Variants in FOXL1 observed in about 807,000 individuals in gnomAD.
The protein encoded by FOXL1 is forkhead box L1, also known as forkhead box protein L1.
In FOXL1, 2 loss-of-function variants were observed where a neutral mutation model predicts 1.7. That is an observed-to-expected ratio of 1.21 (90% CI 0.49 to 3.80). The LOEUF is 3.80. FOXL1 is among the 30% of genes most tolerant of loss of function. FOXL1 has a pLI of 0.07. For synonymous variants in FOXL1, 280 were observed against 229.3 expected, an observed-to-expected ratio of 1.22 and a Z score of -2.00; for missense variants, 565 against 495.8, an observed-to-expected ratio of 1.14 and a Z score of -1.32.
rs1319873667 is a variant in FOXL1, at chr16:86,580,595, A to C, written c.*834A>C. On this transcript the variant is annotated 3_prime_UTR_variant, in exon 1 of 1. Coordinates refer to ENST00000320241, the MANE Select transcript of FOXL1 (RefSeq NM_005250.3). ...ATTACGATAGCTCATTAGCCAATAC[A>C]CATGCAGCTATGTAAGCCACAACAG... is the stretch of plus-strand genomic sequence containing the variant. The C allele has an allele frequency of 2.4e-5, 4 of 166,372 alleles. No homozygotes were observed. Among genetic ancestry groups the C allele is most frequent in the African/African-American group, 9.6e-5 (4 of 41,460 alleles). The allele number at this position is 166,372 out of a possible 1,614,324, so 10.3% of individuals were successfully genotyped here.
Position 86,579,329 on chromosome 16 carries a change from G to A in FOXL1, c.606G>A (p.Pro202=). Residue 202 remains proline (P), a synonymous_variant, in exon 1 of 1, where the codon CCG becomes CCA. Coordinates refer to ENST00000320241, the MANE Select transcript of FOXL1 (RefSeq NM_005250.3). ...CGCCCCTCCTGGACGGCCCCTCTCC[G>A]CCGGCGCCCCTCCACTGGCCGGGGA... ...GPSPLLDGPS[P]PAPLHWPGTA... The A allele has an allele frequency of 7.6e-7, 1 of 1,323,016 alleles. No individual in the cohort carries two copies. Among genetic ancestry groups the A allele is most frequent in the South Asian group, 1.4e-5 (1 of 73,970 alleles). 82.0% of individuals were successfully genotyped at this position (1,323,016 alleles called of 1,614,324 possible). A position where few individuals can be genotyped will look rare whatever the true frequency, so the allele number is the denominator to read the frequency against.
Position 86,578,823 on chromosome 16 carries a change from C to T in FOXL1, c.100C>T (p.Pro34Ser), listed in dbSNP as rs750324359. ...ACCCGGCCTCCCTCTGGCCTTCGCCCCCGCGGCTGCTCTAGCTGCCTCGGG... is the reference window on the plus strand; with the variant it reads ...ACCCGGCCTCCCTCTGGCCTTCGCCTCCGCGGCTGCTCTAGCTGCCTCGGG... The part of the protein sequence containing the change: ...ERPGLPLAFA[P>S]AAALAASGRA... The change falls in exon 1 of 1, where the codon CCC (proline) becomes TCC (serine). Residue 34 changes from proline to serine, a missense_variant. Transcript: ENST00000320241. 1.9e-6 allele frequency: 3 copies of T among 1,613,672 alleles called. No individual in the cohort carries two copies. The highest frequency in any genetic ancestry group is 2.5e-6 in the Non-Finnish European group (3 of 1,179,956).
At position 86,578,601 on chromosome 16, in the gene FOXL1, C is replaced by T. The variant is rs1974367356; in HGVS notation, c.-123C>T. On this transcript the variant is annotated 5_prime_UTR_variant, in exon 1 of 1. Coordinates refer to ENST00000320241, the MANE Select transcript of FOXL1 (RefSeq NM_005250.3). ...CAGAGCACGGAGCGGCCGGGGAGAGCGGCAGAGCCAGAGGCAGAGGCACGG... is the reference window on the plus strand; with the variant it reads ...CAGAGCACGGAGCGGCCGGGGAGAGTGGCAGAGCCAGAGGCAGAGGCACGG... 9.5e-6 allele frequency: 7 copies of T among 734,368 alleles called. No homozygotes were observed. Among genetic ancestry groups the T allele is most frequent in the Admixed American group, 8.7e-5 (3 of 34,620 alleles). 45.5% of individuals were successfully genotyped at this position (734,368 alleles called of 1,614,324 possible). A position where few individuals can be genotyped will look rare whatever the true frequency, so the allele number is the denominator to read the frequency against.
Position 86,578,616 on chromosome 16 carries a change from C to T in FOXL1, c.-108C>T. Reference sequence around the variant, plus strand: ...CCGGGGAGAGCGGCAGAGCCAGAGGCAGAGGCACGGCTGGCTCCCCGGGAG... The same window carrying T: ...CCGGGGAGAGCGGCAGAGCCAGAGGTAGAGGCACGGCTGGCTCCCCGGGAG... On this transcript the variant is annotated 5_prime_UTR_variant, in exon 1 of 1. Transcript: ENST00000320241. 1 of 901,604 alleles carries T rather than the reference C, an allele frequency of 1.1e-6. No homozygotes were observed. Among genetic ancestry groups the T allele is most frequent in the Non-Finnish European group, 1.7e-6 (1 of 601,008 alleles). The allele number at this position is 901,604 out of a possible 1,614,324, so 55.9% of individuals were successfully genotyped here. A position where few individuals can be genotyped will look rare whatever the true frequency, so the allele number is the denominator to read the frequency against.
rs966725066 is a variant in FOXL1 at position 86,582,763 on chromosome 16, C to T, written c.*3002C>T. On this transcript the variant is annotated 3_prime_UTR_variant, in exon 1 of 1. Coordinates refer to ENST00000320241, the MANE Select transcript of FOXL1 (RefSeq NM_005250.3). ...CAAGTACTGAGTCCTTTCACTTTAA[C>T]CCAAGTATTGATACTATTTGAAAGA... is the stretch of plus-strand genomic sequence containing the variant. Among the ~76,000 whole-genome samples the T allele has an allele frequency of 2.6e-5, 4 of 151,966 alleles. No individual in the cohort carries two copies. Among genetic ancestry groups the T allele is most frequent in the Non-Finnish European group, 5.9e-5 (4 of 68,002 alleles).
At position 86,578,865 on chromosome 16, in the gene FOXL1, C is replaced by A. The variant is rs374067376; in HGVS notation, c.142C>A (p.Gln48Lys). The change falls in exon 1 of 1, where the codon CAG becomes AAG. Residue 48 changes from glutamine (Q) to lysine (K), a missense_variant. Physicochemically the swap from Gln to Lys is moderately conservative, Grantham distance 53. Coordinates refer to ENST00000320241, the MANE Select transcript of FOXL1 (RefSeq NM_005250.3). ...LAASGRAETP[Q>K]KPPYSYIALI... is the part of the protein sequence containing the mutation. ...TGCCTCGGGCCGGGCCGAGACCCCG[C>A]AGAAGCCTCCCTACAGCTACATCGC... 1 of 1,614,008 alleles carries A rather than the reference C, an allele frequency of 6.2e-7. No individual in the cohort carries two copies. Among genetic ancestry groups the A allele is most frequent in the East Asian group, 2.2e-5 (1 of 44,868 alleles).
In FOXL1 at chr16:86,578,636, C is replaced by T. The variant is rs1224570095; in HGVS notation, c.-88C>T. 2.7e-5 allele frequency: 33 copies of T among 1,240,558 alleles called. No homozygotes were observed. Among genetic ancestry groups the T allele is most frequent in the Admixed American group, 5.1e-5 (2 of 39,114 alleles). 76.8% of individuals were successfully genotyped at this position (1,240,558 alleles called of 1,614,324 possible). ...AGAGGCAGAGGCACGGCTGGCTCCC[C>T]GGGAGGGCCCTTGCGGCGCGGGGCG... On this transcript the variant is annotated 5_prime_UTR_variant, in exon 1 of 1. Transcript: ENST00000320241.
chr16:86,579,514 A>G lies in FOXL1; in HGVS notation c.791A>G (p.Asp264Gly). 6.2e-7 allele frequency: 1 copy of G among 1,600,090 alleles called. No homozygotes were observed. The highest frequency in any genetic ancestry group is 1.1e-5 in the South Asian group (1 of 89,220). ...GACAAGTCCAAGAGCTTCAGCATAGACAGCATCCTGGCGGGAAAGCAGGGC... is the reference window on the plus strand; with the variant it reads ...GACAAGTCCAAGAGCTTCAGCATAGGCAGCATCCTGGCGGGAAAGCAGGGC... ...SSDKSKSFSI[D>G]SILAGKQGQK... Residue 264 changes from aspartate (D) to glycine (G), a missense_variant, in exon 1 of 1, where the codon GAC (aspartate) becomes GGC (glycine). Coordinates refer to ENST00000320241, the MANE Select transcript of FOXL1 (RefSeq NM_005250.3).
chr16:86,578,847 G>C lies in FOXL1; in HGVS notation c.124G>C (p.Gly42Arg). The change falls in exon 1 of 1, where the codon GGC becomes CGC. Residue 42 changes from glycine to arginine, a missense_variant. Transcript: ENST00000320241. The part of the protein sequence containing the change: ...FAPAAALAAS[G>R]RAETPQKPPY... The stretch of plus-strand genomic sequence containing the variant: ...CCCCGCGGCTGCTCTAGCTGCCTCG[G>C]GCCGGGCCGAGACCCCGCAGAAGCC... 1 of 1,613,824 alleles carries C rather than the reference G, an allele frequency of 6.2e-7. No homozygotes were observed. The highest frequency in any genetic ancestry group is 8.5e-7 in the Non-Finnish European group (1 of 1,179,984).
Position 86,581,953 on chromosome 16 carries a change from A to G in FOXL1, c.*2192A>G, listed in dbSNP as rs538402124. 11 of 152,202 alleles carry G rather than the reference A, an allele frequency of 7.2e-5. No individual in the cohort carries two copies. The highest frequency in any genetic ancestry group is 4.1e-4 in the South Asian group (2 of 4,822). 9.4% of individuals were successfully genotyped at this position (152,202 alleles called of 1,614,324 possible). On this transcript the variant is annotated 3_prime_UTR_variant, in exon 1 of 1. Transcript: ENST00000320241. Reference sequence around the variant, plus strand: ...TTTCCTTTTTCTTTTTTGTGTTTGTATGTTATCTTGGGAGGTTTTGTTAAT... The same window carrying G: ...TTTCCTTTTTCTTTTTTGTGTTTGTGTGTTATCTTGGGAGGTTTTGTTAAT...
In FOXL1 at chr16:86,582,546, T is replaced by C. The variant is rs1424733059; in HGVS notation, c.*2785T>C. 6.6e-6 allele frequency among the ~76,000 whole-genome samples: 1 copy of C among 152,096 alleles called. No individual in the cohort carries two copies. The highest frequency in any genetic ancestry group is 1.9e-4 in the East Asian group (1 of 5,190). The stretch of plus-strand genomic sequence containing the variant: ...ACACACAAACAAATACCCACACACA[T>C]ATGAGTGCACTGATCATAATGAGGA... On this transcript the variant is annotated 3_prime_UTR_variant, in exon 1 of 1. Coordinates refer to ENST00000320241, the MANE Select transcript of FOXL1 (RefSeq NM_005250.3).
rs149670957 is a variant in FOXL1 at position 86,582,966 on chromosome 16, C to T, written c.*3205C>T. 3.0e-3 allele frequency among the ~76,000 whole-genome samples: 445 copies of T among 150,472 alleles called. 2 individuals carry two copies. Among genetic ancestry groups the T allele is most frequent in the Middle Eastern group, 0.014 (4 of 294 alleles). The stretch of plus-strand genomic sequence containing the variant: ...CACCCGCTTTGAGAACTTTTCCCTC[C>T]GTTCACAAGGACAGAGAACTTTACA... On this transcript the variant is annotated 3_prime_UTR_variant, in exon 1 of 1. Transcript: ENST00000320241.
In FOXL1 at chr16:86,579,036, G is replaced by T; in HGVS notation, c.313G>T (p.Asp105Tyr). 6.2e-7 allele frequency: 1 copy of T among 1,614,084 alleles called. No homozygotes were observed. The highest frequency in any genetic ancestry group is 8.5e-7 in the Non-Finnish European group (1 of 1,179,978). Residue 105 changes from aspartate (D) to tyrosine (Y), a missense_variant, in exon 1 of 1, where the codon GAC becomes TAC. Coordinates refer to ENST00000320241, the MANE Select transcript of FOXL1 (RefSeq NM_005250.3). ...CATCCGCCACAACCTCTCGCTCAACGACTGCTTCGTCAAGGTGCCCCGCGA... is the reference window on the plus strand; with the variant it reads ...CATCCGCCACAACCTCTCGCTCAACTACTGCTTCGTCAAGGTGCCCCGCGA... ...NSIRHNLSLN[D>Y]CFVKVPREKG...
Position 86,579,255 on chromosome 16 carries a change from G to A in FOXL1, c.532G>A (p.Gly178Ser). 6.9e-7 allele frequency: 1 copy of A among 1,439,286 alleles called. No individual in the cohort carries two copies. The highest frequency in any genetic ancestry group is 9.0e-7 in the Non-Finnish European group (1 of 1,105,970). The allele number at this position is 1,439,286 out of a possible 1,614,324, so 89.2% of individuals were successfully genotyped here. A position where few individuals can be genotyped will look rare whatever the true frequency, so the allele number is the denominator to read the frequency against. The change falls in exon 1 of 1, where the codon GGC becomes AGC. Residue 178 changes from glycine to serine, a missense_variant. By Grantham distance (56) the Gly-to-Ser change is moderately conservative (BLOSUM62 0). Transcript: ENST00000320241. ...AQPEAGSGAG[G>S]SGPAISRLQA... ...GCCGGAGGCGGGGAGCGGGGCAGGG[G>A]GCTCGGGCCCCGCAATCTCCCGCCT... is the stretch of plus-strand genomic sequence containing the variant.
chr16:86,579,355 C>T lies in FOXL1; in HGVS notation c.632C>T (p.Thr211Ile), dbSNP rs1974381938. 18 of 1,494,116 alleles carry T rather than the reference C, an allele frequency of 1.2e-5. No homozygotes were observed. The East Asian group carries it at 2.4e-4, about 20-fold the overall frequency. 92.6% of individuals were successfully genotyped at this position (1,494,116 alleles called of 1,614,324 possible). The change falls in exon 1 of 1, where the codon ACC (threonine) becomes ATC (isoleucine). Residue 211 changes from threonine to isoleucine, a missense_variant. Thr to Ile is a moderately conservative substitution (Grantham distance 89). Coordinates refer to ENST00000320241, the MANE Select transcript of FOXL1 (RefSeq NM_005250.3). Reference protein sequence around the residue: ...SPPAPLHWPGTASPNEDAGDA... With the variant: ...SPPAPLHWPGIASPNEDAGDA... The stretch of plus-strand genomic sequence containing the variant: ...CCGGCGCCCCTCCACTGGCCGGGGA[C>T]CGCGTCCCCGAACGAGGACGCTGGT...
In FOXL1 at chr16:86,578,573, G is replaced by A. The variant is rs1974366967; in HGVS notation, c.-151G>A. The A allele has an allele frequency of 1.6e-6, 1 of 618,852 alleles. No homozygotes were observed. The highest frequency in any genetic ancestry group is 2.8e-6 in the Non-Finnish European group (1 of 354,742). The allele number at this position is 618,852 out of a possible 1,614,324, so 38.3% of individuals were successfully genotyped here. On this transcript the variant is annotated 5_prime_UTR_variant, in exon 1 of 1. Transcript: ENST00000320241. ...TAACATTTTTAAAGCCATGAAGAAG[G>A]GACAGAGCACGGAGCGGCCGGGGAG... is the stretch of plus-strand genomic sequence containing the variant.
chr16:86,578,850 C>T lies in FOXL1; in HGVS notation c.127C>T (p.Arg43Trp), dbSNP rs772725671. 2.5e-6 allele frequency: 4 copies of T among 1,613,710 alleles called. No homozygotes were observed. Among genetic ancestry groups the T allele is most frequent in the Non-Finnish European group, 3.4e-6 (4 of 1,179,976 alleles). ...CGCGGCTGCTCTAGCTGCCTCGGGC[C>T]GGGCCGAGACCCCGCAGAAGCCTCC... ...APAAALAASG[R>W]AETPQKPPYS... The change falls in exon 1 of 1, where the codon CGG (arginine) becomes TGG (tryptophan). Residue 43 changes from arginine (R) to tryptophan (W), a missense_variant. Arg to Trp is a moderately radical substitution (Grantham distance 101, BLOSUM62 -3). Transcript: ENST00000320241.
rs1023990181 is a variant in FOXL1, at chr16:86,579,293, C to T, written c.570C>T (p.Pro190=). 5.2e-5 allele frequency: 74 copies of T among 1,418,234 alleles called. No homozygotes were observed. Among genetic ancestry groups the T allele is most frequent in the Admixed American group, 3.3e-4 (11 of 32,862 alleles). 87.9% of individuals were successfully genotyped at this position (1,418,234 alleles called of 1,614,324 possible). ...GPAISRLQAA[P]AGPSPLLDGP... ...CAATCTCCCGCCTGCAGGCAGCGCC[C>T]GCGGGCCCCTCGCCCCTCCTGGACG... The change falls in exon 1 of 1, where the codon CCC becomes CCT. Residue 190 remains proline (P), a synonymous_variant. Coordinates refer to ENST00000320241, the MANE Select transcript of FOXL1 (RefSeq NM_005250.3).
Position 86,579,725 on chromosome 16 carries a change from C to G in FOXL1, c.1002C>G (p.Pro334=), listed in dbSNP as rs1052740188. 6.2e-6 allele frequency: 10 copies of G among 1,613,730 alleles called. No individual in the cohort carries two copies. The highest frequency in any genetic ancestry group is 7.6e-6 in the Non-Finnish European group (9 of 1,180,002). ...QLGIPFLSYF[P]LQVPDTVLHF... ...GGATCCCCTTCCTCTCTTATTTCCC[C>G]CTGCAGGTTCCCGACACGGTACTCC... The change falls in exon 1 of 1, where the codon CCC becomes CCG. Residue 334 remains proline, a synonymous_variant. Transcript: ENST00000320241.
Sources: allele counts gnomAD v4.1 joint callset (sites outside exome capture counted in the v4.1 genomes callset), GRCh38; gene constraint gnomAD v4.1.1; transcripts MANE v1.5; gene names NCBI Gene and HGNC (gene_info 2026-07-23, HGNC 2026-07-21).